The following TEP1 variants were observed in gnomAD, a reference collection of about 807,000 sequenced individuals.
TEP1 encodes telomerase associated protein 1.
TEP1 carries 241 observed loss-of-function variants against 306.3 expected under a neutral mutation model. The observed-to-expected ratio is 0.79, with a 90% CI of 0.71 to 0.88. The LOEUF (loss-of-function observed/expected upper bound fraction) is 0.88, where lower values mean the gene tolerates loss of function less well. TEP1 is among the 40% of genes least tolerant of loss of function. The probability of loss-of-function intolerance (pLI) is 0.00; values close to 1 mark genes in which losing one functional copy is unlikely to be tolerated. For missense variants in TEP1, 3,051 were observed against 3,276.1 expected, an observed-to-expected ratio of 0.93 and a Z score of 1.68; for synonymous variants, 1,289 against 1,305.5, an observed-to-expected ratio of 0.99 and a Z score of 0.27.
At chr14:20,391,927 G>A (rs974726763) in intron 12 of TEP1, among the ~76,000 whole-genome samples, 160 bp from the exon 13 acceptor site, 1 of 151,752 alleles carries the variant, frequency 6.6e-6, no homozygotes, top group African/African-American at 2.4e-5. Context: ...GTAGAGGACT[G>A]GGAGAGAGCT....
At position 20,373,801 on chromosome 14, in the gene TEP1, C is replaced by T. The variant is rs751641834; in HGVS notation, c.6481G>A (p.Val2161Met). 5.0e-6 allele frequency: 8 copies of T among 1,612,988 alleles called. No homozygotes were observed. Among genetic ancestry groups the T allele is most frequent in the South Asian group, 4.4e-5 (4 of 91,024 alleles). Residue 2161 changes from valine (V) to methionine (M), a missense_variant, in exon 45 of 55, where the codon GTG (valine) becomes ATG (methionine). By Grantham distance (21) the Val-to-Met change is conservative. Around this residue, in one of 3 missense-constraint regions of TEP1, gnomAD observed 1,540 missense variants for 1,705.9 expected, o/e 0.90. Transcript: ENST00000262715. Reference protein sequence around the residue: ...VSAVAAVEEHVVSVSRDGTLK... With the variant: ...VSAVAAVEEHMVSVSRDGTLK... ...GTCCCATCCCGGCTCACAGACACCA[C>T]GTGCTCCTCCTGCCCACAGAGCACA...
chr14:20,366,196 G>A lies in TEP1; in HGVS notation c.*2241C>T, dbSNP rs1387035360. 6.6e-6 allele frequency: 1 copy of A among 152,194 alleles called. No homozygotes were observed. The highest frequency in any genetic ancestry group is 1.5e-5 in the Non-Finnish European group (1 of 68,038). 9.4% of individuals were successfully genotyped at this position (152,194 alleles called of 1,614,324 possible). On this transcript the variant is annotated 3_prime_UTR_variant, in exon 55 of 55. Coordinates refer to ENST00000262715, the MANE Select transcript of TEP1 (RefSeq NM_007110.5). ...CCTGGCCAACAAGACTGAATCTATT[G>A]AGCCTATTGGTCAAGTTAGCCTTTG... is the stretch of plus-strand genomic sequence containing the variant.
Position 20,381,783 on chromosome 14 carries a change from A to T in TEP1, c.4425-97T>A. On this transcript the variant is annotated intron_variant, in intron 30 of 54. Coordinates refer to ENST00000262715, the MANE Select transcript of TEP1 (RefSeq NM_007110.5). The surrounding 1 kb of genome is among the most constrained non-coding windows in gnomAD (Gnocchi z 4.0). ...CTCCTATTCCCCCCTCAAATAGCGG[A>T]AACTGGAGCAGCTGGAGCAGTAGCT... 6.5e-7 allele frequency: 1 copy of T among 1,532,908 alleles called. No homozygotes were observed. Among genetic ancestry groups the T allele is most frequent in the Non-Finnish European group, 8.7e-7 (1 of 1,143,574 alleles). 95.0% of individuals were successfully genotyped at this position (1,532,908 alleles called of 1,614,324 possible).
rs753993589 is a variant in TEP1 at position 20,391,667 on chromosome 14, G to A, written c.2029C>T (p.Arg677Cys). The change falls in exon 13 of 55, where the codon CGC becomes TGC. Residue 677 changes from arginine (R) to cysteine (C), a missense_variant. Coordinates refer to ENST00000262715, the MANE Select transcript of TEP1 (RefSeq NM_007110.5). ...VKHSLPLLPG[R>C]TVLVYLTDAN... ...TCTGTCAGATAGACCAAGACAGTGC[G>A]GCCTGGCAGCAGGGGCAGGCTGTGC... The A allele has an allele frequency of 6.2e-6, 10 of 1,614,140 alleles. No homozygotes were observed. Among genetic ancestry groups the A allele is most frequent in the South Asian group, 2.2e-5 (2 of 91,082 alleles).
chr14:20,371,728 C>T, intron 49 of TEP1, 96 bp from the exon 50 acceptor site: 1 of 1,402,592 alleles, frequency 7.1e-7, no homozygotes, highest in Non-Finnish European at 9.5e-7. Context: ...GAATGAAGTA[C>T]AAAGCAAAAT....
Position 20,378,519 on chromosome 14 carries a change from C to T in TEP1, c.5369G>A (p.Arg1790His), listed in dbSNP as rs370046023. 5.6e-5 allele frequency: 90 copies of T among 1,614,110 alleles called. 1 individual carries two copies. The South Asian group carries it at 8.0e-4, about 14-fold the overall frequency. Residue 1790 changes from arginine to histidine, a missense_variant, in exon 38 of 55, where the codon CGT becomes CAT. This residue lies in a region of TEP1 where 1,540 missense variants were observed against 1,705.9 expected (regional missense o/e 0.90). Transcript: ENST00000262715. ...GGTGTGCTGGAAGGCCAGCTGCCCA[C>T]GGACTGTGTCCCACAGCTGAGGGAG... ...GGCLKLWDTV[R>H]GQLAFQHTYP...
intron 2 of TEP1, among the ~76,000 whole-genome samples, 195 bp from the exon 3 acceptor site, chr14:20,406,595 C>T (rs1328597737): frequency 6.6e-6 from 1 of 152,244 alleles, no homozygotes; most frequent in East Asian, 1.9e-4. Context: ...CCTTGCTCTA[C>T]TCAACCTTCA....
chr14:20,403,954 C>T (rs1878966397), intron 5 of TEP1, 70 bp from the exon 6 acceptor site: 3 of 1,598,428 alleles, frequency 1.9e-6, no homozygotes, highest in Non-Finnish European at 2.6e-6. Flanking sequence ...AACGAGATCA[C>T]TTCATGGAGA....
rs376572630 is a variant in TEP1 at position 20,412,607 on chromosome 14, A to G, written c.-25+798T>C. On this transcript the variant is annotated intron_variant, in intron 1 of 54. Coordinates refer to ENST00000262715, the MANE Select transcript of TEP1 (RefSeq NM_007110.5). ...CTTTACACAAACAGGATCATAAGTTAGATGCTATTCTGCACTTAGTATATC... is the reference window on the plus strand; with the variant it reads ...CTTTACACAAACAGGATCATAAGTTGGATGCTATTCTGCACTTAGTATATC... Among the ~76,000 whole-genome samples the G allele has an allele frequency of 2.7e-4, 41 of 149,902 alleles. 1 individual carries two copies. In the South Asian group the frequency reaches 7.3e-3, roughly 27 times the overall value.
At chr14:20,373,971 C>T (rs1003169990) in intron 44 of TEP1, among the ~76,000 whole-genome samples, 161 bp from the exon 45 acceptor site, 1 of 152,060 alleles carries the variant, frequency 6.6e-6, no homozygotes. Flanking sequence ...ACAGTGGGGT[C>T]GGGTGGCTCA....
chr14:20,379,117 G>A lies in TEP1; in HGVS notation c.5128-12C>T. The A allele has an allele frequency of 6.2e-7, 1 of 1,613,558 alleles. No homozygotes were observed. Among genetic ancestry groups the A allele is most frequent in the Non-Finnish European group, 8.5e-7 (1 of 1,179,696 alleles). On this transcript the variant is annotated splice_polypyrimidine_tract_variant and intron_variant, in intron 35 of 54. Coordinates refer to ENST00000262715, the MANE Select transcript of TEP1 (RefSeq NM_007110.5). ...ACAGACTTCTCCTCCTGCGACAGTG[G>A]GTGAGGGAGCGCAGCTCAGGCCATC...
Position 20,377,260 on chromosome 14 carries a change from T to C in TEP1, c.6088+20A>G, listed in dbSNP as rs1254511073. ...GAAAAGAACAGTAATTTGTTAACCC[T>C]GCCCACTGTCTAGTAGTACCTGAGG... On this transcript the variant is annotated intron_variant, in intron 41 of 54. Coordinates refer to ENST00000262715, the MANE Select transcript of TEP1 (RefSeq NM_007110.5). The C allele has an allele frequency of 6.4e-7, 1 of 1,554,816 alleles. No individual in the cohort carries two copies. The highest frequency in any genetic ancestry group is 8.7e-7 in the Non-Finnish European group (1 of 1,143,926).
chr14:20,383,528 C>T lies in TEP1; in HGVS notation c.3827G>A (p.Gly1276Glu). 6.2e-7 allele frequency: 1 copy of T among 1,614,210 alleles called. No individual in the cohort carries two copies. Among genetic ancestry groups the T allele is most frequent in the East Asian group, 2.2e-5 (1 of 44,880 alleles). Residue 1276 changes from glycine to glutamate, a missense_variant, in exon 26 of 55, where the codon GGG becomes GAG. Transcript: ENST00000262715. ...DGADRLVDQNGQLISDWIPKK... is the reference protein window; with the variant it reads ...DGADRLVDQNEQLISDWIPKK... ...TGGGATCCAGTCTGAAATCAGCTGCCCATTCTGGTCCACTAACCTATCAGC... is the reference window on the plus strand; with the variant it reads ...TGGGATCCAGTCTGAAATCAGCTGCTCATTCTGGTCCACTAACCTATCAGC...
At chr14:20,403,206 A>G (rs1878896706) in intron 7 of TEP1, among the ~76,000 whole-genome samples, 171 bp downstream of exon 7, 1 of 151,618 alleles carries the variant, frequency 6.6e-6, no homozygotes, top group Admixed American at 6.6e-5. Context: ...GAGTGAAGTG[A>G]AAAAAAATAA....
In TEP1 at chr14:20,384,610, T is replaced by C. The variant is rs764320766; in HGVS notation, c.3211A>G (p.Thr1071Ala). 1 of 1,614,108 alleles carries C rather than the reference T, an allele frequency of 6.2e-7. No homozygotes were observed. The highest frequency in any genetic ancestry group is 2.2e-5 in the East Asian group (1 of 44,876). ...KSYLSRQKGI[T>A]CRRYPCEWGG... Reference sequence around the variant, plus strand: ...CCTCCCTCAGCTCACCTGCGGCAGGTGATCCCTTTCTGTCTGCTTAGGTAG... The same window carrying C: ...CCTCCCTCAGCTCACCTGCGGCAGGCGATCCCTTTCTGTCTGCTTAGGTAG... The change falls in exon 22 of 55, where the codon ACC (threonine) becomes GCC (alanine). Residue 1071 changes from threonine (T) to alanine (A), a missense_variant. By Grantham distance (58) the Thr-to-Ala change is moderately conservative (BLOSUM62 0). Transcript: ENST00000262715.
At chr14:20,406,107 G>T in intron 3 of TEP1, 126 bp downstream of exon 3, 2 of 745,230 alleles carry the variant, frequency 2.7e-6, no homozygotes, top group African/African-American at 1.8e-5. Context: ...TAGGAAGTGA[G>T]AAATAAGAGC....
intron 1 of TEP1, among the ~76,000 whole-genome samples, chr14:20,410,798 TGTGG>T (rs757967279): frequency 1.3e-5 from 1 of 78,716 alleles, no homozygotes; most frequent in East Asian, 4.0e-4. Flanking sequence ...GTTTCTCCTT[TGTGG>T]TTTTTTTTTT....
At position 20,368,723 on chromosome 14, in the gene TEP1, C is replaced by T; in HGVS notation, c.7761+75G>A. 2.6e-6 allele frequency: 4 copies of T among 1,538,902 alleles called. No homozygotes were observed. In the South Asian group the frequency reaches 3.4e-5, roughly 13 times the overall value. Reference sequence around the variant, plus strand: ...TTTGCCCTTTCTTACTCTAAGTTTGCTGTCTTGTGACATCCCTTTGGGATA... The same window carrying T: ...TTTGCCCTTTCTTACTCTAAGTTTGTTGTCTTGTGACATCCCTTTGGGATA... On this transcript the variant is annotated intron_variant, in intron 54 of 54. Transcript: ENST00000262715.
At position 20,384,225 on chromosome 14, in the gene TEP1, G is replaced by T; in HGVS notation, c.3347C>A (p.Ala1116Asp). 1 of 1,613,688 alleles carries T rather than the reference G, an allele frequency of 6.2e-7. No homozygotes were observed. The highest frequency in any genetic ancestry group is 1.1e-5 in the South Asian group (1 of 91,032). Residue 1116 changes from alanine (A) to aspartate (D), a missense_variant, in exon 24 of 55, where the codon GCC becomes GAC. Physicochemically the swap from Ala to Asp is moderately radical, Grantham distance 126 (BLOSUM62 -2). Coordinates refer to ENST00000262715, the MANE Select transcript of TEP1 (RefSeq NM_007110.5). ...MIQKLYLQPG[A>D]LLEQPVSIPD... is the part of the protein sequence containing the mutation. ...GATGGACACTGGCTGCTCCAGCAGG[G>T]CCCCAGGCTGAGGGTAAATGGGTCA...
Sources: gnomAD v4.1 joint callset for allele counts (sites outside exome capture counted in the v4.1 genomes callset) on GRCh38, gnomAD v4.1.1 for gene constraint, gnomAD v4.1.1 regional missense constraint, Gnocchi (gnomAD v3.1) non-coding constraint, MANE v1.5 for transcripts, NCBI Gene and HGNC (gene_info 2026-07-23, HGNC 2026-07-21) for gene names.